The following DRC11 variants were observed in gnomAD, a reference collection of about 807,000 sequenced individuals.
DRC11 encodes dynein regulatory complex subunit 11, also known as IQ and AAA domain-containing protein 1.
At chr2:236,424,198 T>TA in the DRC11 span, among the ~76,000 whole-genome samples, 3 of 151,180 alleles carry the variant, frequency 2.0e-5, no homozygotes, top group African/African-American at 4.9e-5. Context: ...ACTTAAAGTG[T>TA]AAAAAAAAAC....
chr2:236,459,598 TACATATATACGTATATAA>T, the DRC11 span, among the ~76,000 whole-genome samples: 1 of 136,746 alleles, frequency 7.3e-6, no homozygotes, highest in Admixed American at 7.1e-5. Flanking sequence ...CGTATACGTA[TACATATATACGTATATAA>T]GTATATACAT....
chr2:236,405,917 C>G, the DRC11 span, among the ~76,000 whole-genome samples: 2 of 152,196 alleles, frequency 1.3e-5, no homozygotes, highest in East Asian at 1.9e-4. This position sits in a 1 kb window ranked among gnomAD's most constrained non-coding sequence, Gnocchi z 4.6. Flanking sequence ...ATTCAAAACT[C>G]AGGAATTTTC....
the DRC11 span, among the ~76,000 whole-genome samples, chr2:236,388,627 G>C: frequency 6.8e-6 from 1 of 148,126 alleles, no homozygotes; most frequent in Non-Finnish European, 1.5e-5. Context: ...GTAGCTCAGA[G>C]TAATTTGATC....
At chr2:236,424,109 A>C in the DRC11 span, among the ~76,000 whole-genome samples, 1 of 151,422 alleles carries the variant, frequency 6.6e-6, no homozygotes, top group African/African-American at 2.4e-5. Flanking sequence ...CTAGATGACG[A>C]GTTAGTGGGT....
the DRC11 span, among the ~76,000 whole-genome samples, chr2:236,334,369 C>CAG: frequency 6.6e-6 from 1 of 152,136 alleles, no homozygotes; most frequent in Non-Finnish European, 1.5e-5. The surrounding 1 kb of genome is among the most constrained non-coding windows in gnomAD (Gnocchi z 7.8). Context: ...ATGGGAGCCC[C>CAG]AGAGGCTGTG....
chr2:236,493,787 C>A, the DRC11 span: 9 of 1,602,646 alleles, frequency 5.6e-6, no homozygotes, highest in East Asian at 2.0e-4. Context: ...TGTATCTATT[C>A]CGCTGTCCGC....
the DRC11 span, chr2:236,408,351 G>C: frequency 1.3e-6 from 1 of 764,686 alleles, no homozygotes; most frequent in Non-Finnish European, 2.4e-6. This position sits in a 1 kb window ranked among gnomAD's most constrained non-coding sequence, Gnocchi z 5.5. Flanking sequence ...GGGTCTTGCA[G>C]GGTAGCTTCT....
chr2:236,353,008 T>G, the DRC11 span, among the ~76,000 whole-genome samples: 6 of 152,106 alleles, frequency 3.9e-5, no homozygotes, highest in African/African-American at 1.4e-4. The surrounding 1 kb of genome is among the most constrained non-coding windows in gnomAD (Gnocchi z 5.0). Flanking sequence ...CAGGAATAAA[T>G]GAGGGCTCTG....
the DRC11 span, among the ~76,000 whole-genome samples, chr2:236,360,016 A>T: frequency 6.6e-6 from 1 of 152,188 alleles, no homozygotes; most frequent in Non-Finnish European, 1.5e-5. This position sits in a 1 kb window ranked among gnomAD's most constrained non-coding sequence, Gnocchi z 5.8. Flanking sequence ...TAATAAACGC[A>T]AAGATCGCTT....
At chr2:236,445,633 C>G in the DRC11 span, among the ~76,000 whole-genome samples, 1 of 152,006 alleles carries the variant, frequency 6.6e-6, no homozygotes, top group African/African-American at 2.4e-5. This position sits in a 1 kb window ranked among gnomAD's most constrained non-coding sequence, Gnocchi z 4.8. Flanking sequence ...AGCCACTCCG[C>G]CTGGGCTATT....
chr2:236,492,413 C>A, the DRC11 span, among the ~76,000 whole-genome samples: 1 of 152,202 alleles, frequency 6.6e-6, no homozygotes, highest in East Asian at 1.9e-4. Context: ...GGCAGGCACA[C>A]AGGGCACTTT....
the DRC11 span, among the ~76,000 whole-genome samples, chr2:236,491,159 G>GTATATATATATATATATACACAGTA: frequency 2.5e-5 from 1 of 40,346 alleles, no homozygotes; most frequent in African/African-American, 1.5e-4. Flanking sequence ...TATACACACA[G>GTATATATATATATATATACACAGTA]TATATATATA....
chr2:236,357,212 TAG>T, the DRC11 span, among the ~76,000 whole-genome samples: 4 of 119,260 alleles, frequency 3.4e-5, no homozygotes, highest in South Asian at 2.4e-4. Context: ...TATATTCATA[TAG>T]TATATATCTA....
At chr2:236,417,598 A>G in the DRC11 span, among the ~76,000 whole-genome samples, 1 of 151,376 alleles carries the variant, frequency 6.6e-6, no homozygotes, top group African/African-American at 2.4e-5. Flanking sequence ...TCTGGGATAC[A>G]TGTGCAGAAC....
chr2:236,455,499 A>G, the DRC11 span, among the ~76,000 whole-genome samples: 26 of 152,350 alleles, frequency 1.7e-4, no homozygotes, highest in African/African-American at 6.3e-4. The surrounding 1 kb of genome is among the most constrained non-coding windows in gnomAD (Gnocchi z 5.7). Context: ...ACTAGCAGGG[A>G]GAGTATCAGG....
the DRC11 span, among the ~76,000 whole-genome samples, chr2:236,432,393 G>T: frequency 6.6e-6 from 1 of 151,988 alleles, no homozygotes; most frequent in Non-Finnish European, 1.5e-5. Context: ...TTTCTTAATG[G>T]TATCTTTTGA....
the DRC11 span, among the ~76,000 whole-genome samples, chr2:236,362,074 G>A: frequency 6.6e-6 from 1 of 152,106 alleles, no homozygotes; most frequent in African/African-American, 2.4e-5. This position sits in a 1 kb window ranked among gnomAD's most constrained non-coding sequence, Gnocchi z 5.7. Context: ...AATCCTAAAC[G>A]TGGATGTATC....
chr2:236,459,627 A>G, the DRC11 span, among the ~76,000 whole-genome samples: 1 of 136,078 alleles, frequency 7.3e-6, no homozygotes, highest in African/African-American at 2.9e-5. Context: ...GTATATACAT[A>G]CGTATATACG....
the DRC11 span, among the ~76,000 whole-genome samples, chr2:236,416,746 TATA>T: frequency 5.1e-5 from 3 of 59,310 alleles, no homozygotes; most frequent in East Asian, 1.2e-3. Flanking sequence ...TATATATATA[TATA>T]TATATATATA....
Sources: gnomAD v4.1 joint callset for allele counts (sites outside exome capture counted in the v4.1 genomes callset) on GRCh38, gnomAD v4.1.1 for gene constraint, Gnocchi (gnomAD v3.1) non-coding constraint, MANE v1.5 for transcripts, NCBI Gene and HGNC (gene_info 2026-07-23, HGNC 2026-07-21) for gene names.